LRRC8C: variants seen among roughly 807,000 people sequenced by gnomAD.
LRRC8C encodes the protein volume-regulated anion channel subunit LRRC8C.
In LRRC8C, 20 loss-of-function variants were observed where a neutral mutation model predicts 55.3. The ratio of observed to expected loss-of-function variants is 0.36; its 90% CI spans 0.25 to 0.53. LRRC8C has a LOEUF of 0.53. Ranked by LOEUF, LRRC8C falls within the 20% of genes least tolerant of loss-of-function variation. LRRC8C has a pLI of 0.92. For synonymous variants in LRRC8C, 376 were observed against 360.7 expected, an observed-to-expected ratio of 1.04 and a Z score of -0.48; for missense variants, 659 against 951.4, an observed-to-expected ratio of 0.69 and a Z score of 4.04.
At chr1:89,672,763 C>G (rs1395598846) in intron 1 of LRRC8C, among the ~76,000 whole-genome samples, 2 of 151,444 alleles carry the variant, frequency 1.3e-5, no homozygotes, top group African/African-American at 4.9e-5. Flanking sequence ...CCACCAATTT[C>G]CATTTCTTCG....
chr1:89,700,936 A>G (rs1475073965), intron 2 of LRRC8C, among the ~76,000 whole-genome samples: 1 of 152,214 alleles, frequency 6.6e-6, no homozygotes, highest in East Asian at 1.9e-4. Context: ...CACCTATTTT[A>G]TCATACACTG....
intron 1 of LRRC8C, among the ~76,000 whole-genome samples, chr1:89,679,414 C>T (rs1169337555): frequency 9.2e-5 from 14 of 151,896 alleles, no homozygotes; most frequent in East Asian, 1.9e-4. Context: ...ATTAGCCGGG[C>T]GTGGTGGTAC....
intron 1 of LRRC8C, among the ~76,000 whole-genome samples, chr1:89,638,026 AT>A (rs2101175138): frequency 6.6e-6 from 1 of 152,354 alleles, no homozygotes; most frequent in South Asian, 2.1e-4. Flanking sequence ...AAAAGGAAGA[AT>A]TGGCAAAATT....
chr1:89,684,608 A>G (rs1570723047), intron 1 of LRRC8C, among the ~76,000 whole-genome samples: 1 of 152,308 alleles, frequency 6.6e-6, no homozygotes, highest in East Asian at 1.9e-4. Context: ...GTGACTATCA[A>G]ACATTTGGGG....
chr1:89,680,501 A>G (rs192558471), intron 1 of LRRC8C, among the ~76,000 whole-genome samples: 15 of 141,620 alleles, frequency 1.1e-4, no homozygotes, highest in African/African-American at 3.4e-4. Context: ...TGGCCACAGG[A>G]TATTTGAATT....
chr1:89,649,475 T>G (rs898457087), intron 1 of LRRC8C, among the ~76,000 whole-genome samples: 1 of 152,162 alleles, frequency 6.6e-6, no homozygotes, highest in East Asian at 1.9e-4. Context: ...CTCCAAACAT[T>G]CCTTCTGTGC....
the LRRC8C span, among the ~76,000 whole-genome samples, chr1:89,622,295 T>G: frequency 2.6e-4 from 39 of 151,974 alleles, no homozygotes; most frequent in Non-Finnish European, 4.3e-4. Flanking sequence ...TTACCTGTTA[T>G]CCTGTTGTTA....
chr1:89,676,741 T>C (rs1657558017), intron 1 of LRRC8C, among the ~76,000 whole-genome samples: 1 of 152,230 alleles, frequency 6.6e-6, no homozygotes, highest in South Asian at 2.1e-4. Context: ...CGTCTTTAAA[T>C]GCACCATTGG....
chr1:89,692,112 A>G (rs1658042962), intron 2 of LRRC8C, among the ~76,000 whole-genome samples: 2 of 152,210 alleles, frequency 1.3e-5, no homozygotes, highest in South Asian at 4.1e-4. Context: ...AAAATGGCTT[A>G]ATGACTGATA....
At position 89,688,963 on chromosome 1, in the gene LRRC8C, G is replaced by T. The variant is rs1280958103; in HGVS notation, c.138+2352G>T. Among the ~76,000 whole-genome samples, 3 of 152,258 alleles carry T rather than the reference G, an allele frequency of 2.0e-5. No individual in the cohort carries two copies. The East Asian group carries it at 5.8e-4, about 29-fold the overall frequency. On this transcript the variant is annotated intron_variant, in intron 2 of 2. Transcript: ENST00000370454. ...TTGAGGCACAAGGCTTTTAAGCCAG[G>T]GTAAGTTCTGAACCTACCTAAAGTA... is the stretch of plus-strand genomic sequence containing the variant.
chr1:89,663,673 T>C (rs1184501959), intron 1 of LRRC8C, among the ~76,000 whole-genome samples: 1 of 152,168 alleles, frequency 6.6e-6, no homozygotes, highest in Admixed American at 6.5e-5. Context: ...AAATGGTGTT[T>C]CCAGTTCCAG....
chr1:89,709,883 T>G (rs1040944982), intron 2 of LRRC8C, among the ~76,000 whole-genome samples: 2 of 151,838 alleles, frequency 1.3e-5, no homozygotes, highest in Non-Finnish European at 2.9e-5. Flanking sequence ...TCCCCAGTAG[T>G]TGGGACTACA....
At chr1:89,674,092 A>G (rs1247334131) in intron 1 of LRRC8C, among the ~76,000 whole-genome samples, 1 of 152,208 alleles carries the variant, frequency 6.6e-6, no homozygotes, top group East Asian at 1.9e-4. Context: ...CTATCATGCA[A>G]TGTATGTTAC....
chr1:89,625,716 G>A, the LRRC8C span, among the ~76,000 whole-genome samples: 35 of 152,280 alleles, frequency 2.3e-4, no homozygotes, highest in East Asian at 4.6e-3. Flanking sequence ...TTTCACTACC[G>A]TGATAAGGTT....
chr1:89,692,677 G>A (rs1186989175), intron 2 of LRRC8C, among the ~76,000 whole-genome samples: 2 of 152,132 alleles, frequency 1.3e-5, no homozygotes, highest in African/African-American at 4.8e-5. Context: ...ATCCACATAA[G>A]AACAAATATA....
intron 1 of LRRC8C, among the ~76,000 whole-genome samples, chr1:89,642,240 G>C (rs1934045): frequency 6.6e-6 from 1 of 151,904 alleles, no homozygotes; most frequent in East Asian, 1.9e-4. Context: ...GTTATATTCC[G>C]TACTGCCTAA....
At chr1:89,678,969 C>T (rs1657627803) in intron 1 of LRRC8C, among the ~76,000 whole-genome samples, 1 of 152,058 alleles carries the variant, frequency 6.6e-6, no homozygotes, top group Non-Finnish European at 1.5e-5. Flanking sequence ...ATGTCGAGTA[C>T]GTAGTGGGAA....
chr1:89,707,726 A>G (rs1212625134), intron 2 of LRRC8C, among the ~76,000 whole-genome samples: 1 of 151,938 alleles, frequency 6.6e-6, no homozygotes, highest in African/African-American at 2.4e-5. Flanking sequence ...TTCTATCTCA[A>G]AATAGAAATA....
rs552211760 is a variant in LRRC8C at position 89,645,286 on chromosome 1, A to G, written c.-5+11964A>G. On this transcript the variant is annotated intron_variant, in intron 1 of 2. Transcript: ENST00000370454. ...TTGGAGGTAGCAAAGTAAAGAGTAG[A>G]GAATTTGAACATGTATTGATAGAAA... 2.0e-5 allele frequency among the ~76,000 whole-genome samples: 3 copies of G among 152,330 alleles called. No individual in the cohort carries two copies. In the South Asian group the frequency reaches 6.2e-4, roughly 32 times the overall value.
Sources: gnomAD v4.1 joint callset for allele counts (sites outside exome capture counted in the v4.1 genomes callset) on GRCh38, gnomAD v4.1.1 for gene constraint, MANE v1.5 for transcripts, NCBI Gene and HGNC (gene_info 2026-07-23, HGNC 2026-07-21) for gene names.